The following FAM135A variants were observed in gnomAD, a reference collection of about 807,000 sequenced individuals.
FAM135A encodes protein FAM135A.
Under a neutral mutation model 146.8 loss-of-function variants are expected in FAM135A, and 79 were observed. That is an observed-to-expected ratio of 0.54 (90% CI 0.45 to 0.65). The LOEUF (loss-of-function observed/expected upper bound fraction) is 0.65. Among genes scored for constraint, FAM135A ranks in the 30% least tolerant of loss-of-function variants. The probability of loss-of-function intolerance (pLI) is 0.00; values close to 1 mark genes in which losing one functional copy is unlikely to be tolerated. For synonymous variants in FAM135A, 562 were observed against 603.6 expected (o/e 0.93, Z 1.01); for missense variants, 1,623 against 1,758.2 (o/e 0.92, Z 1.38).
intron 20 of FAM135A, among the ~76,000 whole-genome samples, chr6:70,552,366 G>A (rs1799978145): frequency 6.6e-6 from 1 of 151,740 alleles, no homozygotes; most frequent in Non-Finnish European, 1.5e-5. Context: ...AGGCATGCCT[G>A]TACACAACTG....
chr6:70,419,998 T>C (rs1768451622), intron 2 of FAM135A, among the ~76,000 whole-genome samples: 3 of 152,332 alleles, frequency 2.0e-5, no homozygotes, highest in African/African-American at 7.2e-5. Flanking sequence ...TAGGCGACTT[T>C]TGCCTTATGT....
chr6:70,504,438 T>C (rs1248253925), intron 12 of FAM135A: 1 of 152,194 alleles, frequency 6.6e-6, no homozygotes, highest in East Asian at 1.9e-4. Flanking sequence ...TTTAATGAAC[T>C]GGAGGTCTTA....
chr6:70,548,245 G>A (rs1244709228), intron 20 of FAM135A, among the ~76,000 whole-genome samples: 3 of 152,084 alleles, frequency 2.0e-5, no homozygotes, highest in African/African-American at 7.2e-5. Flanking sequence ...CTTGGTTCTT[G>A]GCTAATATAA....
At chr6:70,488,659 C>T (rs1785210206) in intron 10 of FAM135A, among the ~76,000 whole-genome samples, 1 of 152,080 alleles carries the variant, frequency 6.6e-6, no homozygotes. Context: ...GAAAGCCTTA[C>T]AGATAACATA....
At chr6:70,465,416 C>T (rs1276443211) in intron 5 of FAM135A, among the ~76,000 whole-genome samples, 2 of 151,976 alleles carry the variant, frequency 1.3e-5, no homozygotes, top group Admixed American at 6.6e-5. Context: ...TATAGTAGTT[C>T]TATTTTTATT....
chr6:70,442,923 T>C (rs947679825), intron 4 of FAM135A, among the ~76,000 whole-genome samples: 2 of 152,200 alleles, frequency 1.3e-5, no homozygotes, highest in Non-Finnish European at 2.9e-5. Context: ...CAGTCCCCTA[T>C]TGGACATTTT....
At chr6:70,445,421 A>G (rs895701634) in intron 4 of FAM135A, among the ~76,000 whole-genome samples, 1 of 152,160 alleles carries the variant, frequency 6.6e-6, no homozygotes, top group Non-Finnish European at 1.5e-5. Context: ...CACACACAAA[A>G]ATGTAGAGGT....
chr6:70,489,363 C>T (rs1337911111), intron 10 of FAM135A, among the ~76,000 whole-genome samples: 2 of 151,690 alleles, frequency 1.3e-5, no homozygotes, highest in African/African-American at 2.4e-5. Flanking sequence ...AATTAGTGAT[C>T]TATTTTTTGG....
intron 10 of FAM135A, among the ~76,000 whole-genome samples, chr6:70,486,505 A>G (rs907047580): frequency 2.0e-5 from 3 of 152,186 alleles, no homozygotes; most frequent in South Asian, 4.1e-4. Context: ...TATGTTTTTT[A>G]AAGTTTCTAT....
At chr6:70,414,224 T>TA (rs1766987205) in intron 1 of FAM135A, among the ~76,000 whole-genome samples, 1 of 152,202 alleles carries the variant, frequency 6.6e-6, no homozygotes. Flanking sequence ...TCACTCTTGT[T>TA]ACCTCCATAA....
At chr6:70,515,194 G>A (rs1791921016) in intron 12 of FAM135A, among the ~76,000 whole-genome samples, 2 of 152,170 alleles carry the variant, frequency 1.3e-5, no homozygotes, top group Admixed American at 1.3e-4. Context: ...CACTTTGGAA[G>A]ACACTTTGGT....
intron 5 of FAM135A, among the ~76,000 whole-genome samples, chr6:70,470,563 G>C (rs1170398061): frequency 6.6e-6 from 1 of 152,128 alleles, no homozygotes; most frequent in Non-Finnish European, 1.5e-5. Flanking sequence ...CGCCATGTTG[G>C]CCAGGCTGGT....
At chr6:70,538,796 TTA>T (rs934800124) in intron 20 of FAM135A, among the ~76,000 whole-genome samples, 10 of 119,792 alleles carry the variant, frequency 8.3e-5, no homozygotes, top group African/African-American at 4.0e-4. Flanking sequence ...TACCTTCATA[TTA>T]TGTTATGTTA....
At chr6:70,542,591 T>C (rs1341561173) in intron 20 of FAM135A, among the ~76,000 whole-genome samples, 2 of 152,206 alleles carry the variant, frequency 1.3e-5, no homozygotes, top group Non-Finnish European at 2.9e-5. Flanking sequence ...TGGAGTGCAA[T>C]GGCACAATCA....
intron 20 of FAM135A, among the ~76,000 whole-genome samples, chr6:70,551,810 C>T (rs1315298916): frequency 6.6e-6 from 1 of 152,140 alleles, no homozygotes; most frequent in East Asian, 1.9e-4. Context: ...CACTGTCTTA[C>T]ATAGGCATGG....
At chr6:70,470,134 G>A (rs1330732329) in intron 5 of FAM135A, among the ~76,000 whole-genome samples, 1 of 152,162 alleles carries the variant, frequency 6.6e-6, no homozygotes, top group Non-Finnish European at 1.5e-5. Context: ...ATTTGGCAAA[G>A]GAGAAATCAT....
chr6:70,486,440 G>A (rs1784668768), intron 10 of FAM135A, among the ~76,000 whole-genome samples: 1 of 151,952 alleles, frequency 6.6e-6, no homozygotes, highest in African/African-American at 2.4e-5. Flanking sequence ...TTGTAATATT[G>A]AAGTTTTTAC....
At chr6:70,548,180 T>C (rs1047469177) in intron 20 of FAM135A, among the ~76,000 whole-genome samples, 1 of 152,172 alleles carries the variant, frequency 6.6e-6, no homozygotes, top group Non-Finnish European at 1.5e-5. Flanking sequence ...CCAACACTGG[T>C]AGACAAGAAA....
chr6:70,494,806 A>G (rs74621147), intron 11 of FAM135A, among the ~76,000 whole-genome samples: 2,877 of 152,236 alleles, frequency 0.019, 96 homozygotes, highest in African/African-American at 0.065. Context: ...CAGGAAGAAT[A>G]AAAAGAGAGT....
Sources: gnomAD v4.1 joint callset for allele counts (sites outside exome capture counted in the v4.1 genomes callset) on GRCh38, gnomAD v4.1.1 for gene constraint, MANE v1.5 for transcripts, NCBI Gene and HGNC (gene_info 2026-07-23, HGNC 2026-07-21) for gene names.